ZNF638: variants seen among roughly 807,000 people sequenced by gnomAD.
The protein encoded by ZNF638 is zinc finger protein 638.
Under a neutral mutation model 195.6 loss-of-function variants are expected in ZNF638, and 46 were observed. The observed-to-expected ratio is 0.24, with a 90% confidence interval of 0.19 to 0.30. The LOEUF is 0.30. Among genes scored for constraint, ZNF638 ranks in the 10% least tolerant of loss-of-function variants. The pLI, the probability that ZNF638 is intolerant of heterozygous loss-of-function variation, is 1.00. For missense variants in ZNF638, 2,440 were observed against 2,325.3 expected (o/e 1.05, Z -1.01); for synonymous variants, 845 against 772.0 (o/e 1.09, Z -1.57).
At chr2:71,410,452 C>T (rs1573140682) in intron 20 of ZNF638, among the ~76,000 whole-genome samples, 1 of 151,962 alleles carries the variant, frequency 6.6e-6, no homozygotes, top group Non-Finnish European at 1.5e-5. Context: ...CTGAAGTGCT[C>T]CTCCACCCTG....
At chr2:71,334,551 A>G (rs889132791) in intron 1 of ZNF638, 6 of 152,228 alleles carry the variant, frequency 3.9e-5, no homozygotes, top group African/African-American at 1.4e-4. Flanking sequence ...ATAAGTATAT[A>G]GAAGATGAGA....
chr2:71,423,816 C>T lies in ZNF638; in HGVS notation c.4302C>T (p.Ala1434=). ...DQINAEKKLS[A]KEFGLLKPTS... ...TAAATGCTGAAAAGAAACTTTCAGC[C>T]AAGGAATTTGGTCTGCTTAAACCCA... is the stretch of plus-strand genomic sequence containing the variant. The change falls in exon 22 of 28, where the codon GCC becomes GCT. Residue 1434 remains alanine (A), a synonymous_variant. Transcript: ENST00000264447. 6.2e-7 allele frequency: 1 copy of T among 1,613,954 alleles called. No homozygotes were observed. Among genetic ancestry groups the T allele is most frequent in the Non-Finnish European group, 8.5e-7 (1 of 1,179,978 alleles).
intron 10 of ZNF638, among the ~76,000 whole-genome samples, chr2:71,381,288 G>A (rs934851143): frequency 1.3e-5 from 2 of 152,012 alleles, no homozygotes; most frequent in South Asian, 4.1e-4. Context: ...TAGTGTGTTG[G>A]TTTTTCTAAC....
chr2:71,384,738 C>T (rs1224373531), intron 10 of ZNF638, among the ~76,000 whole-genome samples: 2 of 151,980 alleles, frequency 1.3e-5, no homozygotes, highest in Non-Finnish European at 2.9e-5. Context: ...AATATGTCCC[C>T]TTTTCTTTTT....
intron 20 of ZNF638, among the ~76,000 whole-genome samples, chr2:71,409,915 A>G (rs865810930): frequency 1.3e-5 from 2 of 152,112 alleles, no homozygotes; most frequent in Admixed American, 1.3e-4. Context: ...TACATTCTCA[A>G]GTATTTTTTT....
At position 71,349,267 on chromosome 2, in the gene ZNF638, G is replaced by A. The variant is rs1056261791; in HGVS notation, c.313G>A (p.Asp105Asn). ...GGGGAAGCCTCATGGTAGCCGGTGGGATGATGAGCCTCATATATCTGCATC... is the reference window on the plus strand; with the variant it reads ...GGGGAAGCCTCATGGTAGCCGGTGGAATGATGAGCCTCATATATCTGCATC... ...KKGKPHGSRW[D>N]DEPHISASVA... Residue 105 changes from aspartate to asparagine, a missense_variant, in exon 2 of 28, where the codon GAT becomes AAT. This residue lies in a region of ZNF638 where 191 missense variants were observed against 173.8 expected (regional missense o/e 1.10). Transcript: ENST00000264447. 1.2e-6 allele frequency: 2 copies of A among 1,614,172 alleles called. No individual in the cohort carries two copies. Among genetic ancestry groups the A allele is most frequent in the Admixed American group, 1.7e-5 (1 of 60,022 alleles).
chr2:71,407,633 C>T (rs575848135), intron 19 of ZNF638: 2 of 152,524 alleles, frequency 1.3e-5, no homozygotes, highest in Middle Eastern at 3.4e-3. Flanking sequence ...GTGCAACCAT[C>T]ACCACCATCC....
At position 71,337,949 on chromosome 2, in the gene ZNF638, T is replaced by C. The variant is rs191658731; in HGVS notation, c.-203+6074T>C. On this transcript the variant is annotated intron_variant, in intron 1 of 27. Transcript: ENST00000264447. The stretch of plus-strand genomic sequence containing the variant: ...TTGCTTTTCTCTTTAATAGAGCACT[T>C]CTCATTTTGGATTTATCTGATGTTT... 5.6e-4 allele frequency among the ~76,000 whole-genome samples: 86 copies of C among 152,326 alleles called. No individual in the cohort carries two copies. The Middle Eastern group carries it at 0.027, about 48-fold the overall frequency.
At position 71,349,310 on chromosome 2, in the gene ZNF638, G is replaced by A. The variant is rs757260719; in HGVS notation, c.356G>A (p.Ser119Asn). ...HISASVAVKQ[S>N]SVTQVTEQSP... ...TCTGCATCAGTGGCAGTGAAACAGA[G>A]TTCTGTAACACAGGTTACAGAGCAG... Residue 119 changes from serine (S) to asparagine (N), a missense_variant, in exon 2 of 28, where the codon AGT (serine) becomes AAT (asparagine). Ser to Asn is a conservative substitution (Grantham distance 46). Around this residue, in one of 5 missense-constraint regions of ZNF638, gnomAD observed 191 missense variants for 173.8 expected, o/e 1.10. Coordinates refer to ENST00000264447, the MANE Select transcript of ZNF638 (RefSeq NM_014497.5). 5.0e-6 allele frequency: 8 copies of A among 1,614,184 alleles called. No homozygotes were observed. The East Asian group carries it at 1.1e-4, about 22-fold the overall frequency.
chr2:71,423,896 G>A lies in ZNF638; in HGVS notation c.4382G>A (p.Ser1461Asn), dbSNP rs372866753. ...AGCAGTAAATTCAAACCTACTCAGA[G>A]CAGTCTTACCAGAGGAGGCAGTGGA... ...ESSSKFKPTQ[S>N]SLTRGGSGRI... The change falls in exon 22 of 28, where the codon AGC becomes AAC. Residue 1461 changes from serine (S) to asparagine (N), a missense_variant. This residue lies in a region of ZNF638 where 1,883 missense variants were observed against 1,739.1 expected (regional missense o/e 1.08). Transcript: ENST00000264447. 6.2e-7 allele frequency: 1 copy of A among 1,613,938 alleles called. No homozygotes were observed. Among genetic ancestry groups the A allele is most frequent in the African/African-American group, 1.3e-5 (1 of 74,898 alleles).
chr2:71,344,708 A>G (rs1402712308), intron 1 of ZNF638, among the ~76,000 whole-genome samples: 3 of 152,240 alleles, frequency 2.0e-5, no homozygotes, highest in Non-Finnish European at 2.9e-5. Context: ...AAGGACATAC[A>G]TAAAAGTTAA....
chr2:71,374,455 G>T (rs2079381472), intron 8 of ZNF638, among the ~76,000 whole-genome samples: 1 of 151,692 alleles, frequency 6.6e-6, no homozygotes, highest in Non-Finnish European at 1.5e-5. Flanking sequence ...TATTCATTTT[G>T]GTTAATGTTT....
chr2:71,406,369 TCAA>T, intron 19 of ZNF638, 107 bp downstream of exon 19: 1 of 968,888 alleles, frequency 1.0e-6, no homozygotes, highest in Non-Finnish European at 1.5e-6. Context: ...TAAATATTAC[TCAA>T]CCACTTCGCA....
In ZNF638 at chr2:71,383,232, T is replaced by A. The variant is rs1321820710; in HGVS notation, c.2377+2667T>A. ...CAGGAGGCCGAGGCACGAGAGTCTCTTGAACCTGGGAGGCAGAGGTTGCAG... is the reference window on the plus strand; with the variant it reads ...CAGGAGGCCGAGGCACGAGAGTCTCATGAACCTGGGAGGCAGAGGTTGCAG... On this transcript the variant is annotated intron_variant, in intron 10 of 27. Transcript: ENST00000264447. Among the ~76,000 whole-genome samples, 22 of 152,104 alleles carry A rather than the reference T, an allele frequency of 1.4e-4. 1 individual carries two copies. Among genetic ancestry groups the A allele is most frequent in the Admixed American group, 1.4e-3 (22 of 15,276 alleles).
intron 8 of ZNF638, among the ~76,000 whole-genome samples, chr2:71,370,476 A>G (rs2079289909): frequency 6.6e-6 from 1 of 152,168 alleles, no homozygotes; most frequent in Non-Finnish European, 1.5e-5. Flanking sequence ...AAGTTTTGTA[A>G]CTTTAATTTT....
At chr2:71,383,264 A>G (rs182827432) in intron 10 of ZNF638, among the ~76,000 whole-genome samples, 1 of 152,184 alleles carries the variant, frequency 6.6e-6, no homozygotes, top group Admixed American at 6.5e-5. Context: ...GCAGTGAGCC[A>G]AGATCGTGCC....
intron 1 of ZNF638, among the ~76,000 whole-genome samples, chr2:71,344,985 T>G (rs1558830047): frequency 1.3e-5 from 2 of 152,148 alleles, no homozygotes; most frequent in Admixed American, 6.5e-5. Context: ...TATACAGTAG[T>G]CTCCCCTTAT....
intron 24 of ZNF638, among the ~76,000 whole-genome samples, chr2:71,428,012 C>G (rs2080574525): frequency 6.6e-6 from 1 of 151,940 alleles, no homozygotes; most frequent in Non-Finnish European, 1.5e-5. Flanking sequence ...GGCAGCCTAG[C>G]AAGACTCCGT....
At chr2:71,398,149 C>G (rs2079933179) in intron 11 of ZNF638, among the ~76,000 whole-genome samples, 1 of 151,864 alleles carries the variant, frequency 6.6e-6, no homozygotes, top group African/African-American at 2.4e-5. Flanking sequence ...GTTGAGTATC[C>G]CTTATCCAAA....
Sources: gnomAD v4.1 joint callset for allele counts (sites outside exome capture counted in the v4.1 genomes callset) on GRCh38, gnomAD v4.1.1 for gene constraint, gnomAD v4.1.1 regional missense constraint, MANE v1.5 for transcripts, NCBI Gene and HGNC (gene_info 2026-07-23, HGNC 2026-07-21) for gene names.